Variants in TNKS observed in about 807,000 individuals in gnomAD.
TNKS encodes the protein poly [ADP-ribose] polymerase tankyrase-1.
Under a neutral mutation model 135.8 loss-of-function variants are expected in TNKS, and 72 were observed. The ratio of observed to expected loss-of-function variants is 0.53; its 90% CI spans 0.44 to 0.64. TNKS has a LOEUF of 0.64. TNKS is among the 30% of genes least tolerant of loss of function. The pLI is 0.00. For synonymous variants in TNKS, 849 were observed against 649.3 expected, an observed-to-expected ratio of 1.31 and a Z score of -4.68; for missense variants, 1,769 against 1,674.0, an observed-to-expected ratio of 1.06 and a Z score of -0.99.
At chr8:9,590,560 C>T (rs1177879491) in intron 2 of TNKS, among the ~76,000 whole-genome samples, 1 of 152,212 alleles carries the variant, frequency 6.6e-6, no homozygotes. Flanking sequence ...CTCTGCCTTA[C>T]TTTGCACCAC....
intron 1 of TNKS, among the ~76,000 whole-genome samples, chr8:9,569,620 A>G (rs1797685767): frequency 6.6e-6 from 1 of 152,196 alleles, no homozygotes; most frequent in African/African-American, 2.4e-5. Flanking sequence ...TTCTATTATG[A>G]ATAGTGCTGC....
intron 3 of TNKS, among the ~76,000 whole-genome samples, chr8:9,659,166 G>C (rs1479022575): frequency 6.6e-6 from 1 of 152,160 alleles, no homozygotes; most frequent in Admixed American, 6.6e-5. Flanking sequence ...GTCAACATTA[G>C]ACAGATCAAG....
At chr8:9,623,941 G>A (rs368008494) in intron 3 of TNKS, among the ~76,000 whole-genome samples, 1 of 152,134 alleles carries the variant, frequency 6.6e-6, no homozygotes, top group African/African-American at 2.4e-5. Flanking sequence ...GGCAGAAGTT[G>A]CAGTGAACCG....
chr8:9,773,389 T>C (rs1025247015), intron 26 of TNKS, among the ~76,000 whole-genome samples: 1 of 152,192 alleles, frequency 6.6e-6, no homozygotes, highest in Admixed American at 6.5e-5. Context: ...CACTGGGTGA[T>C]AATGAGTGGT....
intron 1 of TNKS, among the ~76,000 whole-genome samples, chr8:9,573,617 A>G (rs1218503054): frequency 2.0e-5 from 3 of 152,180 alleles, no homozygotes; most frequent in Admixed American, 6.5e-5. Flanking sequence ...AGACAACCCC[A>G]AACTTAGTTT....
Position 9,655,092 on chromosome 8 carries a change from T to G in TNKS, c.995-24859T>G, listed in dbSNP as rs533805210. 2.0e-5 allele frequency among the ~76,000 whole-genome samples: 3 copies of G among 152,274 alleles called. No individual in the cohort carries two copies. The South Asian group carries it at 6.2e-4, about 32-fold the overall frequency. On this transcript the variant is annotated intron_variant, in intron 3 of 26. Coordinates refer to ENST00000310430, the MANE Select transcript of TNKS (RefSeq NM_003747.3). ...CGGGCTTAATGGCACACCAGGAGATTATATCCTGCACCTGGCTTGGAGGAT... is the reference window on the plus strand; with the variant it reads ...CGGGCTTAATGGCACACCAGGAGATGATATCCTGCACCTGGCTTGGAGGAT...
intron 3 of TNKS, among the ~76,000 whole-genome samples, chr8:9,657,621 C>A (rs1242783662): frequency 4.1e-4 from 34 of 83,204 alleles, no homozygotes; most frequent in African/African-American, 1.0e-3. Context: ...CTACCTCCCT[C>A]CTGGACGGGG....
intron 2 of TNKS, among the ~76,000 whole-genome samples, chr8:9,593,719 TA>T (rs1798670840): frequency 6.6e-6 from 1 of 152,160 alleles, no homozygotes; most frequent in Non-Finnish European, 1.5e-5. Context: ...TCTTTTAGTT[TA>T]AAAAATTATC....
intron 3 of TNKS, among the ~76,000 whole-genome samples, chr8:9,674,084 G>C (rs1802427828): frequency 6.6e-6 from 1 of 152,080 alleles, no homozygotes; most frequent in Non-Finnish European, 1.5e-5. Context: ...ATTTAGTAGA[G>C]TGTTTTTTCT....
chr8:9,667,631 G>C (rs1802058956), intron 3 of TNKS, among the ~76,000 whole-genome samples: 2 of 152,172 alleles, frequency 1.3e-5, no homozygotes, highest in South Asian at 4.1e-4. Context: ...GTCTGTCATT[G>C]ATTTACAAAA....
At chr8:9,651,914 G>A (rs569286131) in intron 3 of TNKS, among the ~76,000 whole-genome samples, 8 of 152,110 alleles carry the variant, frequency 5.3e-5, no homozygotes, top group African/African-American at 9.6e-5. Context: ...TCCTTCACTC[G>A]AGTTTCATAA....
chr8:9,714,956 A>G lies in TNKS; in HGVS notation c.1749+4736A>G, dbSNP rs144104751. Reference sequence around the variant, plus strand: ...CATAGTGATTCTACATTTTAGGAGCAAGTACGGTCCCTGGTAGAGAAAGCA... The same window carrying G: ...CATAGTGATTCTACATTTTAGGAGCGAGTACGGTCCCTGGTAGAGAAAGCA... On this transcript the variant is annotated intron_variant, in intron 11 of 26. Transcript: ENST00000310430. 2.0e-4 allele frequency among the ~76,000 whole-genome samples: 31 copies of G among 152,314 alleles called. 1 individual carries two copies. The highest frequency in any genetic ancestry group is 1.9e-3 in the Admixed American group (29 of 15,300).
intron 21 of TNKS, among the ~76,000 whole-genome samples, chr8:9,761,919 C>G (rs1428527334): frequency 1.3e-5 from 2 of 152,328 alleles, no homozygotes; most frequent in South Asian, 4.1e-4. Flanking sequence ...ACCATTCTCT[C>G]TCGTGGACTG....
At chr8:9,588,773 G>C (rs1253784119) in intron 2 of TNKS, among the ~76,000 whole-genome samples, 1 of 152,120 alleles carries the variant, frequency 6.6e-6, no homozygotes, top group Non-Finnish European at 1.5e-5. Context: ...CATTTATAAA[G>C]GTTTACTGTG....
At chr8:9,596,374 T>TA (rs5889288) in intron 2 of TNKS, among the ~76,000 whole-genome samples, 24,022 of 152,170 alleles carry the variant, frequency 0.16, 2,210 homozygotes, top group East Asian at 0.3. Flanking sequence ...GAGTCCTTCT[T>TA]ACTTCTCATT....
chr8:9,674,594 A>G (rs1802455624), intron 3 of TNKS, among the ~76,000 whole-genome samples: 1 of 152,214 alleles, frequency 6.6e-6, no homozygotes, highest in Admixed American at 6.5e-5. Flanking sequence ...CTAGCTAGTT[A>G]CCTGTGCCTA....
chr8:9,660,525 C>T (rs1801652136), intron 3 of TNKS, among the ~76,000 whole-genome samples: 1 of 152,126 alleles, frequency 6.6e-6, no homozygotes, highest in Non-Finnish European at 1.5e-5. Flanking sequence ...AGGCCTTTGA[C>T]AAAATTCAAC....
intron 3 of TNKS, among the ~76,000 whole-genome samples, chr8:9,630,894 T>G (rs752765488): frequency 6.6e-6 from 1 of 152,214 alleles, no homozygotes; most frequent in Non-Finnish European, 1.5e-5. Flanking sequence ...AATTAAATAA[T>G]TTTATCCAGA....
At chr8:9,576,693 A>G (rs1797962121) in intron 1 of TNKS, among the ~76,000 whole-genome samples, 1 of 152,058 alleles carries the variant, frequency 6.6e-6, no homozygotes, top group Non-Finnish European at 1.5e-5. Flanking sequence ...CCCTCCTTCA[A>G]CACATGGGGA....
Sources: allele counts gnomAD v4.1 joint callset (sites outside exome capture counted in the v4.1 genomes callset), GRCh38; gene constraint gnomAD v4.1.1; transcripts MANE v1.5; gene names NCBI Gene and HGNC (gene_info 2026-07-23, HGNC 2026-07-21).